Variants in PLXNA2 observed in about 807,000 individuals in gnomAD.
The protein encoded by PLXNA2 is plexin-A2.
A neutral mutation model predicts 193.5 loss-of-function variants in PLXNA2; 91 were observed. The observed-to-expected ratio is 0.47, with a 90% CI of 0.40 to 0.56. PLXNA2 has a LOEUF of 0.56. Among genes scored for constraint, PLXNA2 ranks in the 20% least tolerant of loss-of-function variants. The pLI, the probability that PLXNA2 is intolerant of heterozygous loss-of-function variation, is 0.00. For missense variants in PLXNA2, 1,995 were observed against 2,503.2 expected (o/e 0.80, Z 4.33); for synonymous variants, 997 against 1,027.3 (o/e 0.97, Z 0.56).
chr1:208,086,310 C>CTT (rs138862486), intron 9 of PLXNA2, among the ~76,000 whole-genome samples: 2 of 145,350 alleles, frequency 1.4e-5, no homozygotes, highest in Non-Finnish European at 3.0e-5. Flanking sequence ...GTGAAAAAAT[C>CTT]TTTTTTTTTT....
intron 12 of PLXNA2, among the ~76,000 whole-genome samples, chr1:208,062,789 G>A (rs1259646896): frequency 6.6e-6 from 1 of 152,154 alleles, no homozygotes. Context: ...GGAGCTGGCA[G>A]GAGGAACTGA....
intron 13 of PLXNA2, among the ~76,000 whole-genome samples, chr1:208,059,095 A>G (rs1665532880): frequency 6.6e-6 from 1 of 152,086 alleles, no homozygotes; most frequent in Non-Finnish European, 1.5e-5. Context: ...CAGGGGCCCA[A>G]GGGAGGTCCT....
intron 3 of PLXNA2, among the ~76,000 whole-genome samples, chr1:208,162,808 G>A (rs941067275): frequency 7.9e-5 from 12 of 152,144 alleles, no homozygotes; most frequent in Admixed American, 7.9e-4. Flanking sequence ...CTCCTAGTAA[G>A]AACAGAGCCA....
At chr1:208,167,863 G>A (rs1387583259) in intron 3 of PLXNA2, among the ~76,000 whole-genome samples, 1 of 152,142 alleles carries the variant, frequency 6.6e-6, no homozygotes, top group African/African-American at 2.4e-5. Flanking sequence ...ACAAACACAA[G>A]CACCTGCATG....
At chr1:208,064,676 A>G (rs1055641709) in intron 12 of PLXNA2, among the ~76,000 whole-genome samples, 13 of 152,224 alleles carry the variant, frequency 8.5e-5, no homozygotes, top group African/African-American at 2.9e-4. Flanking sequence ...TCTAAGGGCC[A>G]TGCCATCTCT....
chr1:208,083,127 C>T (rs56313609), intron 10 of PLXNA2, among the ~76,000 whole-genome samples: 2,922 of 152,236 alleles, frequency 0.019, 83 homozygotes, highest in African/African-American at 0.065. Context: ...CCTCTATTTC[C>T]GCACGAGCCT....
intron 1 of PLXNA2, among the ~76,000 whole-genome samples, chr1:208,228,040 C>CA (rs1283683569): frequency 6.6e-6 from 1 of 152,196 alleles, no homozygotes; most frequent in Non-Finnish European, 1.5e-5. Context: ...AGTAGGCATT[C>CA]ATCTCAACTC....
intron 11 of PLXNA2, among the ~76,000 whole-genome samples, chr1:208,079,789 G>GT (rs398089838): frequency 1.6e-4 from 18 of 113,654 alleles, no homozygotes; most frequent in Admixed American, 1.6e-4. Context: ...GATAATCGTT[G>GT]TTTTTTTTTG....
chr1:208,086,579 T>C (rs906782529), intron 9 of PLXNA2, among the ~76,000 whole-genome samples: 1 of 151,996 alleles, frequency 6.6e-6, no homozygotes, highest in African/African-American at 2.4e-5. Flanking sequence ...GGCTCACCAG[T>C]GTCATCCCTT....
At chr1:208,094,070 T>C (rs1252325830) in intron 8 of PLXNA2, among the ~76,000 whole-genome samples, 1 of 152,268 alleles carries the variant, frequency 6.6e-6, no homozygotes, top group African/African-American at 2.4e-5. Flanking sequence ...CAGAGCATTT[T>C]TATCCCATTC....
At chr1:208,054,643 A>T in intron 13 of PLXNA2, 105 bp from the exon 14 acceptor site, 2 of 778,518 alleles carry the variant, frequency 2.6e-6, no homozygotes, top group Non-Finnish European at 4.5e-6. Context: ...TCTTGCAATA[A>T]TGCCAGACCA....
At chr1:208,209,561 G>A (rs1201832314) in intron 3 of PLXNA2, among the ~76,000 whole-genome samples, 2 of 152,174 alleles carry the variant, frequency 1.3e-5, no homozygotes, top group Admixed American at 1.3e-4. Flanking sequence ...CACTAGACAA[G>A]CTGGTACAAG....
intron 1 of PLXNA2, among the ~76,000 whole-genome samples, chr1:208,224,498 T>C (rs972128358): frequency 2.0e-5 from 3 of 151,564 alleles, no homozygotes; most frequent in Non-Finnish European, 4.4e-5. Context: ...TATTAGTATA[T>C]TTTATGCACG....
chr1:208,084,482 G>A lies in PLXNA2; in HGVS notation c.2196C>T (p.Ser732=), dbSNP rs747897687. 104 of 1,614,126 alleles carry A rather than the reference G, an allele frequency of 6.4e-5. 1 individual carries two copies. Among genetic ancestry groups the A allele is most frequent in the Admixed American group, 5.8e-4 (35 of 60,010 alleles). ...LKARNLPQPQ[S]GQRGYECVLN... Reference sequence around the variant, plus strand: ...GGACACACTCATAGCCTCGCTGGCCGGACTGCGGCTGGGGCAGATTTCGCG... The same window carrying A: ...GGACACACTCATAGCCTCGCTGGCCAGACTGCGGCTGGGGCAGATTTCGCG... The change falls in exon 10 of 32, where the codon TCC becomes TCT. Residue 732 remains serine (S), a synonymous_variant. Transcript: ENST00000367033.
intron 8 of PLXNA2, among the ~76,000 whole-genome samples, chr1:208,093,773 C>T (rs1454144075): frequency 6.6e-6 from 1 of 152,184 alleles, no homozygotes; most frequent in African/African-American, 2.4e-5. Flanking sequence ...TCCAATTTCA[C>T]CTGGAGACTG....
Position 208,155,447 on chromosome 1 carries a change from G to C in PLXNA2, c.1372-12984C>G, listed in dbSNP as rs139030539. 5.8e-3 allele frequency among the ~76,000 whole-genome samples: 889 copies of C among 152,252 alleles called. 4 individuals carry two copies. The highest frequency in any genetic ancestry group is 0.01 in the Non-Finnish European group (682 of 68,006). ...CCTGGCTTTTGTGTAAAGTACTAAA[G>C]CATCCCTCATTCTGCCCCTCCCACA... On this transcript the variant is annotated intron_variant, in intron 3 of 31. Coordinates refer to ENST00000367033, the MANE Select transcript of PLXNA2 (RefSeq NM_025179.4).
chr1:208,134,795 A>C lies in PLXNA2; in HGVS notation c.1506+7534T>G, dbSNP rs764563467. 4.6e-5 allele frequency among the ~76,000 whole-genome samples: 7 copies of C among 152,266 alleles called. 1 individual carries two copies. The East Asian group carries it at 1.3e-3, about 29-fold the overall frequency. Reference sequence around the variant, plus strand: ...GACTAAACAAATGTGCACAATCAAAATAATAGTCTGAGATGTCAAAATAAA... The same window carrying C: ...GACTAAACAAATGTGCACAATCAAACTAATAGTCTGAGATGTCAAAATAAA... On this transcript the variant is annotated intron_variant, in intron 4 of 31. Transcript: ENST00000367033.
chr1:208,213,293 A>C (rs574867102), intron 2 of PLXNA2, among the ~76,000 whole-genome samples: 104 of 152,316 alleles, frequency 6.8e-4, no homozygotes, highest in Middle Eastern at 6.8e-3. Flanking sequence ...TTTTGCTCAA[A>C]TGGTGAGAGC....
intron 15 of PLXNA2, 22 bp from the exon 16 acceptor site, chr1:208,051,445 G>A (rs372449195): frequency 2.5e-6 from 4 of 1,598,226 alleles, no homozygotes; most frequent in African/African-American, 1.3e-5. Flanking sequence ...ACAGCAGGAG[G>A]GTTGAGAAGA....
Sources: allele counts gnomAD v4.1 joint callset (sites outside exome capture counted in the v4.1 genomes callset), GRCh38; gene constraint gnomAD v4.1.1; transcripts MANE v1.5; gene names NCBI Gene and HGNC (gene_info 2026-07-23, HGNC 2026-07-21).